Variants in CDIN1 observed in about 807,000 individuals in gnomAD.
CDIN1 encodes the protein CDAN1-interacting nuclease 1.
Under a neutral mutation model 45.3 loss-of-function variants are expected in CDIN1, and 33 were observed. The ratio of observed to expected loss-of-function variants is 0.73; its 90% confidence interval spans 0.55 to 0.97. The LOEUF is 0.97. Among genes scored for constraint, CDIN1 ranks in the 50% least tolerant of loss-of-function variants. The pLI, the probability that CDIN1 is intolerant of heterozygous loss-of-function variation, is 0.00. For missense variants in CDIN1, 303 were observed against 339.4 expected, an observed-to-expected ratio of 0.89 and a Z score of 0.84; for synonymous variants, 118 against 124.4, an observed-to-expected ratio of 0.95 and a Z score of 0.34.
intron 5 of CDIN1, among the ~76,000 whole-genome samples, chr15:36,681,216 G>T (rs1206169789): frequency 1.3e-5 from 2 of 152,094 alleles, no homozygotes; most frequent in African/African-American, 4.8e-5. Context: ...TGTAAGAGCA[G>T]ATTTTTAAAA....
intron 10 of CDIN1, among the ~76,000 whole-genome samples, chr15:36,777,382 T>TA (rs1403657370): frequency 6.6e-6 from 1 of 151,558 alleles, no homozygotes; most frequent in Admixed American, 6.6e-5. Flanking sequence ...CTTTTAGAGT[T>TA]ACGCTTTGTT....
At chr15:36,643,538 T>C (rs1463965746) in intron 1 of CDIN1, among the ~76,000 whole-genome samples, 2 of 152,228 alleles carry the variant, frequency 1.3e-5, no homozygotes, top group Non-Finnish European at 2.9e-5. Context: ...AGTGGGGTAT[T>C]GATTGCTTTT....
chr15:36,679,733 T>G (rs1183993646), intron 5 of CDIN1, among the ~76,000 whole-genome samples: 1 of 152,188 alleles, frequency 6.6e-6, no homozygotes, highest in East Asian at 1.9e-4. Flanking sequence ...TGCTTGCTCT[T>G]GGAACCCACC....
At chr15:36,665,588 A>G (rs1296796971) in intron 5 of CDIN1, among the ~76,000 whole-genome samples, 1 of 152,208 alleles carries the variant, frequency 6.6e-6, no homozygotes, top group Non-Finnish European at 1.5e-5. Flanking sequence ...GTAGTTAAGG[A>G]AGGTCCAAAG....
intron 10 of CDIN1, among the ~76,000 whole-genome samples, chr15:36,794,907 TGAAG>T (rs2054751236): frequency 6.6e-6 from 1 of 152,088 alleles, no homozygotes; most frequent in East Asian, 1.9e-4. Flanking sequence ...GATGAATGAA[TGAAG>T]AAAATGTGTA....
At chr15:36,686,580 A>G (rs1220018327) in intron 5 of CDIN1, among the ~76,000 whole-genome samples, 1 of 151,396 alleles carries the variant, frequency 6.6e-6, no homozygotes, top group East Asian at 1.9e-4. Flanking sequence ...AAAAAAAAGA[A>G]AAAGAAATCA....
intron 10 of CDIN1, among the ~76,000 whole-genome samples, chr15:36,769,377 T>C (rs2054007928): frequency 6.6e-6 from 1 of 152,190 alleles, no homozygotes; most frequent in African/African-American, 2.4e-5. Context: ...GCCAGCCGCC[T>C]AGAAACTCAA....
intron 8 of CDIN1, among the ~76,000 whole-genome samples, chr15:36,700,700 CT>C (rs893362267): frequency 0.019 from 2,785 of 145,934 alleles, 94 homozygotes; most frequent in African/African-American, 0.066. Flanking sequence ...AAGAACCAAA[CT>C]TTTTTTTTTT....
chr15:36,640,746 TC>T, intron 1 of CDIN1: 1 of 620,662 alleles, frequency 1.6e-6, no homozygotes, highest in Non-Finnish European at 2.0e-6. Flanking sequence ...TGTGCTCAGC[TC>T]TCCTCTTAAT....
chr15:36,795,098 A>G (rs2054759176), intron 10 of CDIN1, among the ~76,000 whole-genome samples: 1 of 152,196 alleles, frequency 6.6e-6, no homozygotes, highest in Admixed American at 6.5e-5. Context: ...TCATGGGGGT[A>G]AAGAGTAGAG....
At chr15:36,617,129 G>C in intron 1 of CDIN1, 1 of 955,324 alleles carries the variant, frequency 1.0e-6, no homozygotes, top group South Asian at 1.3e-5. Context: ...AAAGGAACTG[G>C]TTTAAATCCT....
chr15:36,727,369 C>T (rs1375439706), intron 10 of CDIN1, among the ~76,000 whole-genome samples: 1 of 149,880 alleles, frequency 6.7e-6, no homozygotes, highest in East Asian at 2.0e-4. Context: ...AAAGTAGACA[C>T]ACTTTTTCCC....
At position 36,752,401 on chromosome 15, in the gene CDIN1, C is replaced by T. The variant is rs181337031; in HGVS notation, c.716+42440C>T. On this transcript the variant is annotated intron_variant, in intron 10 of 10. Coordinates refer to ENST00000566621, the MANE Select transcript of CDIN1 (RefSeq NM_001321759.2). ...TGCACTGACTTTCTCCTCCCAATGA[C>T]AAAGAACGCTATCTGTTTTGAAGTG... Among the ~76,000 whole-genome samples, 459 of 152,264 alleles carry T rather than the reference C, an allele frequency of 3.0e-3. 1 individual carries two copies. The highest frequency in any genetic ancestry group is 3.7e-3 in the South Asian group (18 of 4,820).
At chr15:36,590,321 T>C (rs1378704404) in intron 1 of CDIN1, among the ~76,000 whole-genome samples, 1 of 152,244 alleles carries the variant, frequency 6.6e-6, no homozygotes, top group East Asian at 1.9e-4. Flanking sequence ...TTTGAAATAC[T>C]ATGATTCAGT....
intron 4 of CDIN1, 82 bp downstream of exon 4, chr15:36,654,240 C>A: frequency 1.8e-6 from 2 of 1,099,114 alleles, no homozygotes; most frequent in Middle Eastern, 2.5e-4. Flanking sequence ...ACAATTATAA[C>A]TACCTTTGGA....
At chr15:36,677,939 G>A (rs1475714037) in intron 5 of CDIN1, among the ~76,000 whole-genome samples, 1 of 152,182 alleles carries the variant, frequency 6.6e-6, no homozygotes, top group Non-Finnish European at 1.5e-5. Flanking sequence ...GCGGCTATAA[G>A]GCTGCAAGTT....
intron 10 of CDIN1, among the ~76,000 whole-genome samples, chr15:36,751,229 T>TTTTTTATATATATATATATA (rs568110101): frequency 3.1e-5 from 3 of 97,612 alleles, no homozygotes; most frequent in African/African-American, 1.3e-4. Context: ...TATGCTTATT[T>TTTTTTATATATATATATATA]TATATATATA....
chr15:36,746,814 TCA>T (rs529360987), intron 10 of CDIN1: 151 of 194,106 alleles, frequency 7.8e-4, no homozygotes, highest in Non-Finnish European at 1.3e-3. Context: ...GGACTATGGC[TCA>T]CTGCAGCATT....
chr15:36,772,424 C>G (rs969798890), intron 10 of CDIN1, among the ~76,000 whole-genome samples: 1 of 152,124 alleles, frequency 6.6e-6, no homozygotes, highest in Non-Finnish European at 1.5e-5. Context: ...AAATTTAGTT[C>G]TTGAAGCCAT....
Sources: gnomAD v4.1 joint callset for allele counts (sites outside exome capture counted in the v4.1 genomes callset) on GRCh38, gnomAD v4.1.1 for gene constraint, MANE v1.5 for transcripts, NCBI Gene and HGNC (gene_info 2026-07-23, HGNC 2026-07-21) for gene names.